Variants in FOXN3 observed in about 807,000 individuals in gnomAD.
FOXN3 encodes the protein forkhead box protein N3.
In FOXN3, 7 loss-of-function variants were observed where a neutral mutation model predicts 38.4. The observed-to-expected ratio is 0.18, with a 90% CI of 0.10 to 0.34. The LOEUF (loss-of-function observed/expected upper bound fraction) is 0.34. Ranked by LOEUF, FOXN3 falls within the 10% of genes least tolerant of loss-of-function variation. The probability of loss-of-function intolerance (pLI) is 1.00; values close to 1 mark genes in which losing one functional copy is unlikely to be tolerated. For missense variants in FOXN3, 456 were observed against 613.4 expected (o/e 0.74, Z 2.71); for synonymous variants, 230 against 242.2 (o/e 0.95, Z 0.47).
At chr14:89,454,892 G>T (rs1892687880) in intron 1 of FOXN3, among the ~76,000 whole-genome samples, 1 of 152,180 alleles carries the variant, frequency 6.6e-6, no homozygotes, top group South Asian at 2.1e-4. Context: ...TCTCACCCTG[G>T]AGAAGGAGAG....
chr14:89,525,547 T>C (rs1894416185), intron 1 of FOXN3, among the ~76,000 whole-genome samples: 1 of 151,798 alleles, frequency 6.6e-6, no homozygotes, highest in African/African-American at 2.4e-5. Context: ...ACAAGTATCC[T>C]TAGTCCAGCA....
chr14:89,184,470 A>G (rs1887752617), intron 4 of FOXN3, among the ~76,000 whole-genome samples: 1 of 152,248 alleles, frequency 6.6e-6, no homozygotes. Context: ...CATGGCCAGC[A>G]GAGAGGAAAA....
intron 1 of FOXN3, among the ~76,000 whole-genome samples, chr14:89,473,214 T>TG (rs1312184231): frequency 2.0e-5 from 3 of 151,500 alleles, no homozygotes; most frequent in African/African-American, 7.3e-5. Context: ...TTAGTAGAGA[T>TG]GGGGTTTCAC....
chr14:89,208,285 T>C (rs1441657721), intron 4 of FOXN3, among the ~76,000 whole-genome samples: 2 of 152,362 alleles, frequency 1.3e-5, no homozygotes, highest in East Asian at 3.9e-4. Context: ...TTGCAACTTC[T>C]GAGGTCAGGC....
chr14:89,190,371 A>C, intron 4 of FOXN3: 1 of 1,604,610 alleles, frequency 6.2e-7, no homozygotes, highest in Non-Finnish European at 8.5e-7. Context: ...AGGCTATAGA[A>C]ATATCTACTC....
chr14:89,401,621 T>C (rs1891247926), intron 2 of FOXN3: 1 of 455,772 alleles, frequency 2.2e-6, no homozygotes, highest in Non-Finnish European at 4.4e-6. Context: ...GGACTTTTCT[T>C]CCCCCTCTAC....
intron 1 of FOXN3, among the ~76,000 whole-genome samples, chr14:89,601,054 A>T (rs1282949346): frequency 6.6e-6 from 1 of 152,186 alleles, no homozygotes; most frequent in African/African-American, 2.4e-5. Context: ...TTCTTAAGTG[A>T]ACTCCTTTGG....
At chr14:89,493,580 G>A (rs995868386) in intron 1 of FOXN3, among the ~76,000 whole-genome samples, 3 of 152,148 alleles carry the variant, frequency 2.0e-5, no homozygotes, top group African/African-American at 7.2e-5. Context: ...AAATGTCAAA[G>A]ACAAACCAGG....
chr14:89,442,838 C>T (rs1892415373), intron 1 of FOXN3, among the ~76,000 whole-genome samples: 1 of 152,222 alleles, frequency 6.6e-6, no homozygotes, highest in Non-Finnish European at 1.5e-5. Flanking sequence ...ACTGGAGGGC[C>T]TGCTCAGTGT....
At chr14:89,255,797 C>T (rs1223262770) in intron 4 of FOXN3, among the ~76,000 whole-genome samples, 4 of 152,100 alleles carry the variant, frequency 2.6e-5, no homozygotes, top group African/African-American at 9.7e-5. Flanking sequence ...CAGGAGAAAC[C>T]GCTGGGCACA....
intron 4 of FOXN3, chr14:89,190,581 C>T (rs1566925132): frequency 4.8e-6 from 3 of 626,948 alleles, no homozygotes; most frequent in Admixed American, 3.0e-5. Context: ...ATGAGCTATC[C>T]CAAAGGCGAC....
intron 1 of FOXN3, among the ~76,000 whole-genome samples, chr14:89,507,380 T>TA: frequency 1.3e-5 from 2 of 152,320 alleles, no homozygotes; most frequent in Admixed American, 1.3e-4. Context: ...TGCTTTCTAT[T>TA]AGAGTCCTTA....
At chr14:89,382,404 C>A (rs546730930) in intron 2 of FOXN3, among the ~76,000 whole-genome samples, 5 of 152,184 alleles carry the variant, frequency 3.3e-5, no homozygotes, top group African/African-American at 1.2e-4. Context: ...CACTTCCAAG[C>A]CTGAAAGTCA....
chr14:89,443,527 G>A (rs1388730249), intron 1 of FOXN3, among the ~76,000 whole-genome samples: 1 of 152,164 alleles, frequency 6.6e-6, no homozygotes, highest in Admixed American at 6.5e-5. Flanking sequence ...ATAGTGCCTG[G>A]GAGGAAGGGC....
rs1212533070 is a variant in FOXN3, at chr14:89,557,869, G to A, written c.-15+61159C>T. Among the ~76,000 whole-genome samples the A allele has an allele frequency of 2.6e-5, 4 of 152,240 alleles. No homozygotes were observed. The East Asian group carries it at 7.7e-4, about 29-fold the overall frequency. ...AAAAATACAAAAATTAGCTGGGCATGGTGGTGCGTGCCTGTAATCCCAGCT... is the reference window on the plus strand; with the variant it reads ...AAAAATACAAAAATTAGCTGGGCATAGTGGTGCGTGCCTGTAATCCCAGCT... On this transcript the variant is annotated intron_variant, in intron 1 of 6. Transcript: ENST00000345097.
chr14:89,597,977 G>A (rs1048214465), intron 1 of FOXN3, among the ~76,000 whole-genome samples: 2 of 151,498 alleles, frequency 1.3e-5, no homozygotes, highest in Non-Finnish European at 2.9e-5. Flanking sequence ...CCTACTCTAG[G>A]ATCCTTTTTC....
intron 4 of FOXN3, among the ~76,000 whole-genome samples, chr14:89,200,154 G>A (rs555583099): frequency 6.6e-6 from 1 of 152,286 alleles, no homozygotes; most frequent in South Asian, 2.1e-4. Flanking sequence ...CTCTGGGTAT[G>A]AGGCTCCCAT....
At chr14:89,195,924 A>G (rs1405182820) in intron 4 of FOXN3, among the ~76,000 whole-genome samples, 1 of 152,264 alleles carries the variant, frequency 6.6e-6, no homozygotes, top group East Asian at 1.9e-4. Context: ...TATCACACCA[A>G]GCATGCTGTC....
intron 1 of FOXN3, among the ~76,000 whole-genome samples, chr14:89,461,311 C>T (rs1350897712): frequency 6.6e-5 from 10 of 151,150 alleles, no homozygotes; most frequent in Non-Finnish European, 1.3e-4. Context: ...CACTCCAGGC[C>T]AGGCGACAGA....
Sources: allele counts gnomAD v4.1 joint callset (sites outside exome capture counted in the v4.1 genomes callset), GRCh38; gene constraint gnomAD v4.1.1; transcripts MANE v1.5; gene names NCBI Gene and HGNC (gene_info 2026-07-23, HGNC 2026-07-21).